Variants in MKNK2 observed in about 807,000 individuals in gnomAD.
MKNK2 encodes the protein MAPK interacting serine/threonine kinase 2, also known as MAP kinase-interacting serine/threonine-protein kinase 2.
Under a neutral mutation model 55.0 loss-of-function variants are expected in MKNK2, and 54 were observed. The observed-to-expected ratio is 0.98, with a 90% CI of 0.79 to 1.23. The LOEUF is 1.23. MKNK2 is among the 50% of genes most tolerant of loss of function. MKNK2 has a pLI of 0.00. For missense variants in MKNK2, 685 were observed against 632.1 expected (o/e 1.08, Z -0.90); for synonymous variants, 323 against 256.0 (o/e 1.26, Z -2.50).
At chr19:2,045,752 C>T (rs570502912) in intron 5 of MKNK2, among the ~76,000 whole-genome samples, 31 of 152,328 alleles carry the variant, frequency 2.0e-4, no homozygotes, top group African/African-American at 6.7e-4. Flanking sequence ...ACAACCAGAG[C>T]CTCAACAGGG....
chr19:2,049,077 C>T (rs560050953), intron 2 of MKNK2, among the ~76,000 whole-genome samples: 11 of 152,306 alleles, frequency 7.2e-5, no homozygotes, highest in South Asian at 4.1e-4. Flanking sequence ...GTCTGGCCAC[C>T]GTTCCCCTGT....
rs2016801773 is a variant in MKNK2 at position 2,038,444 on chromosome 19, AGGCTCCGCAGCCCCCGGG to A, written c.*1151_*1168del. ...TCCCCACCCGCGGGGAGGGGGCAGC[AGGCTCCGCAGCCCCCGGG>A]GGTTGGAGCATGGAGGGTGGGGGGA... is the stretch of plus-strand genomic sequence containing the variant. On this transcript the variant is annotated 3_prime_UTR_variant, in exon 14 of 14. Transcript: ENST00000250896. The A allele has an allele frequency of 2.0e-6, 2 of 984,746 alleles. No homozygotes were observed. The highest frequency in any genetic ancestry group is 1.7e-5 in the African/African-American group (1 of 57,240). The allele number at this position is 984,746 out of a possible 1,614,324, so 61.0% of individuals were successfully genotyped here.
At position 2,041,934 on chromosome 19, in the gene MKNK2, A is replaced by T; in HGVS notation, c.851T>A (p.Ile284Asn). The T allele has an allele frequency of 6.4e-7, 1 of 1,553,242 alleles. No individual in the cohort carries two copies. Among genetic ancestry groups the T allele is most frequent in the East Asian group, 2.4e-5 (1 of 41,212 alleles). ...KRCDLWSLGV[I>N]LYILLSGYPP... ...GTAGCCGCTGAGTAGGATATACAAG[A>T]TGACGCCCAGGCTCCACAGGTCGCA... is the stretch of plus-strand genomic sequence containing the variant. Residue 284 changes from isoleucine to asparagine, a missense_variant, in exon 11 of 14, where the codon ATC (isoleucine) becomes AAC (asparagine). Transcript: ENST00000250896.
chr19:2,042,312 G>A, intron 10 of MKNK2, 115 bp downstream of exon 10: 1 of 972,332 alleles, frequency 1.0e-6, no homozygotes, highest in Non-Finnish European at 1.5e-6. Flanking sequence ...AGCGGCTGTT[G>A]CTAGGCGGAA....
rs1296688338 is a variant in MKNK2, at chr19:2,042,607, C to T, written c.654G>A (p.Gln218=). Residue 218 remains glutamine (Q), a splice_region_variant and synonymous_variant, in exon 9 of 14, where the codon CAG becomes CAA. Transcript: ENST00000250896. ...GGCCACCCTGCCGGAACTGGCCTAC[C>T]TGGTTGGGGTGCTCACAGAGGATGT... ...PENILCEHPN[Q]VSPVKICDFD... 2 of 1,566,872 alleles carry T rather than the reference C, an allele frequency of 1.3e-6. No homozygotes were observed. The highest frequency in any genetic ancestry group is 8.7e-7 in the Non-Finnish European group (1 of 1,155,618).
At chr19:2,048,667 C>A (rs570134715) in intron 2 of MKNK2, among the ~76,000 whole-genome samples, 1 of 152,230 alleles carries the variant, frequency 6.6e-6, no homozygotes, top group East Asian at 1.9e-4. Flanking sequence ...AGACCCAAGG[C>A]CAGGAGATGG....
At chr19:2,043,275 GCCCA>G in intron 6 of MKNK2, 78 bp from the exon 7 acceptor site, 2 of 1,246,060 alleles carry the variant, frequency 1.6e-6, no homozygotes, top group Non-Finnish European at 2.3e-6. Context: ...CCTAGGAGGG[GCCCA>G]CCCTCTTGGT....
Position 2,041,911 on chromosome 19 carries a change from A to G in MKNK2, c.874T>C (p.Tyr292His). 6.5e-7 allele frequency: 1 copy of G among 1,547,280 alleles called. No individual in the cohort carries two copies. The highest frequency in any genetic ancestry group is 1.2e-5 in the South Asian group (1 of 84,030). The change falls in exon 11 of 14, where the codon TAC becomes CAC. Residue 292 changes from tyrosine to histidine, a missense_variant. Coordinates refer to ENST00000250896, the MANE Select transcript of MKNK2 (RefSeq NM_199054.3). Reference protein sequence around the residue: ...GVILYILLSGYPPFVGRCGSD... With the variant: ...GVILYILLSGHPPFVGRCGSD... The stretch of plus-strand genomic sequence containing the variant: ...CCACAGCGGCCCACGAAGGGCGGGT[A>G]GCCGCTGAGTAGGATATACAAGATG...
At position 2,037,727 on chromosome 19, in the gene MKNK2, C is replaced by G; in HGVS notation, c.*1886G>C. On this transcript the variant is annotated 3_prime_UTR_variant, in exon 14 of 14. Coordinates refer to ENST00000250896, the MANE Select transcript of MKNK2 (RefSeq NM_199054.3). ...TGGGAGCTGGCCTGGGGCCCAGGGT[C>G]CTCCAGGATCTTCACTCATTCACAG... is the stretch of plus-strand genomic sequence containing the variant. 1 of 1,571,812 alleles carries G rather than the reference C, an allele frequency of 6.4e-7. No individual in the cohort carries two copies. The highest frequency in any genetic ancestry group is 8.7e-7 in the Non-Finnish European group (1 of 1,151,692).
intron 2 of MKNK2, 71 bp downstream of exon 2, chr19:2,050,729 GC>G: frequency 1.4e-6 from 2 of 1,420,912 alleles, no homozygotes; most frequent in Non-Finnish European, 9.5e-7. Flanking sequence ...TTAGGGGCGG[GC>G]CCCGCGCCCC....
At position 2,038,395 on chromosome 19, in the gene MKNK2, T is replaced by C. The variant is rs1395391299; in HGVS notation, c.*1218A>G. On this transcript the variant is annotated 3_prime_UTR_variant, in exon 14 of 14. Transcript: ENST00000250896. Reference sequence around the variant, plus strand: ...ACCCTAGCCGCGCGCACTTCTAAAGTGGAACCCTGTATTGCATAGAACGTC... The same window carrying C: ...ACCCTAGCCGCGCGCACTTCTAAAGCGGAACCCTGTATTGCATAGAACGTC... 2 of 985,704 alleles carry C rather than the reference T, an allele frequency of 2.0e-6. No homozygotes were observed. The highest frequency in any genetic ancestry group is 5.2e-4 in the Middle Eastern group (1 of 1,912). 61.1% of individuals were successfully genotyped at this position (985,704 alleles called of 1,614,324 possible).
chr19:2,046,225 G>C lies in MKNK2; in HGVS notation c.300C>G (p.Thr100=), dbSNP rs1414339509. The C allele has an allele frequency of 1.2e-6, 2 of 1,608,118 alleles. No individual in the cohort carries two copies. The highest frequency in any genetic ancestry group is 4.5e-5 in the East Asian group (2 of 44,874). The part of the protein sequence containing the change: ...LGEGAHARVQ[T]CINLITSQEY... ...CCTGGCTGGTGATCAGGTTGATGCA[G>C]GTCTGCACTCGGGCATGAGCGCCCT... The change falls in exon 5 of 14, where the codon ACC becomes ACG. Residue 100 remains threonine (T), a synonymous_variant. Coordinates refer to ENST00000250896, the MANE Select transcript of MKNK2 (RefSeq NM_199054.3).
intron 5 of MKNK2, 133 bp downstream of exon 5, chr19:2,046,053 G>A: frequency 1.2e-6 from 1 of 857,698 alleles, no homozygotes; most frequent in African/African-American, 1.7e-5. Context: ...CTGGACTCAG[G>A]GCCCGGTGGC....
chr19:2,044,633 C>A (rs1003531731), intron 5 of MKNK2, among the ~76,000 whole-genome samples: 2 of 152,246 alleles, frequency 1.3e-5, no homozygotes, highest in Non-Finnish European at 2.9e-5. Flanking sequence ...ACCCTTGAGT[C>A]CCTGGCTCCT....
chr19:2,044,565 C>G (rs1381449493), intron 5 of MKNK2, among the ~76,000 whole-genome samples: 1 of 152,036 alleles, frequency 6.6e-6, no homozygotes, highest in African/African-American at 2.4e-5. Context: ...CATGAGCACT[C>G]TGCCCAGGGT....
intron 2 of MKNK2, among the ~76,000 whole-genome samples, chr19:2,048,789 G>A (rs2017052449): frequency 6.6e-6 from 1 of 152,078 alleles, no homozygotes; most frequent in South Asian, 2.1e-4. Context: ...GGGGGAGGAG[G>A]GAAGGAAGGG....
chr19:2,046,592 C>T lies in MKNK2; in HGVS notation c.139+12G>A, dbSNP rs769352945. On this transcript the variant is annotated intron_variant, in intron 3 of 13. Coordinates refer to ENST00000250896, the MANE Select transcript of MKNK2 (RefSeq NM_199054.3). ...AGCTGCCCTGTGCCCTCCTCCCCCTCGGGCCCCTCACCAGGGCGGGCTGAG... is the reference window on the plus strand; with the variant it reads ...AGCTGCCCTGTGCCCTCCTCCCCCTTGGGCCCCTCACCAGGGCGGGCTGAG... 1.4e-5 allele frequency: 22 copies of T among 1,560,920 alleles called. No individual in the cohort carries two copies. Among genetic ancestry groups the T allele is most frequent in the African/African-American group, 2.7e-5 (2 of 74,004 alleles).
At position 2,041,899 on chromosome 19, in the gene MKNK2, C is replaced by T. The variant is rs2016892706; in HGVS notation, c.886G>A (p.Val296Met). ...CCGCAGTCGCTGCCACAGCGGCCCA[C>T]GAAGGGCGGGTAGCCGCTGAGTAGG... ...YILLSGYPPFVGRCGSDCGWD... is the reference protein window; with the variant it reads ...YILLSGYPPFMGRCGSDCGWD... Residue 296 changes from valine (V) to methionine (M), a missense_variant, in exon 11 of 14, where the codon GTG (valine) becomes ATG (methionine). Transcript: ENST00000250896. 3 of 1,544,782 alleles carry T rather than the reference C, an allele frequency of 1.9e-6. No homozygotes were observed. The highest frequency in any genetic ancestry group is 2.6e-6 in the Non-Finnish European group (3 of 1,144,268).
rs1216940170 is a variant in MKNK2 at position 2,046,112 on chromosome 19, CCA to C, written c.339+72_339+73del. The C allele has an allele frequency of 7.7e-6, 11 of 1,433,588 alleles. No homozygotes were observed. The African/African-American group carries it at 9.8e-5, about 13-fold the overall frequency. The allele number at this position is 1,433,588 out of a possible 1,614,324, so 88.8% of individuals were successfully genotyped here. A position where few individuals can be genotyped will look rare whatever the true frequency, so the allele number is the denominator to read the frequency against. Reference sequence around the variant, plus strand: ...GGCTGTAGGACGGACAGCCGGAATGCCACACACTGTTTCCACCCCCGCTCAAC... The same window carrying C: ...GGCTGTAGGACGGACAGCCGGAATGCCACACTGTTTCCACCCCCGCTCAAC... On this transcript the variant is annotated intron_variant, in intron 5 of 13. Transcript: ENST00000250896.
Sources: gnomAD v4.1 joint callset for allele counts (sites outside exome capture counted in the v4.1 genomes callset) on GRCh38, gnomAD v4.1.1 for gene constraint, MANE v1.5 for transcripts, NCBI Gene and HGNC (gene_info 2026-07-23, HGNC 2026-07-21) for gene names.